IGSF11: variants seen among roughly 807,000 people sequenced by gnomAD.
IGSF11 encodes the protein immunoglobulin superfamily member 11, also known as CXADR like 1.
Under a neutral mutation model 41.0 loss-of-function variants are expected in IGSF11, and 22 were observed. That is an observed-to-expected ratio of 0.54 (90% CI 0.38 to 0.77). The LOEUF (loss-of-function observed/expected upper bound fraction) is 0.77, where lower values mean the gene tolerates loss of function less well. Among genes scored for constraint, IGSF11 ranks in the 30% least tolerant of loss-of-function variants. The probability of loss-of-function intolerance (pLI) is 0.00; values close to 1 mark genes in which losing one functional copy is unlikely to be tolerated. For missense variants in IGSF11, 444 were observed against 530.8 expected (o/e 0.84, Z 1.61); for synonymous variants, 219 against 201.3 (o/e 1.09, Z -0.74).
chr3:119,085,266 G>A (rs1167311626), intron 1 of IGSF11, among the ~76,000 whole-genome samples: 1 of 152,132 alleles, frequency 6.6e-6, no homozygotes, highest in African/African-American at 2.4e-5. Context: ...CTACTGGATT[G>A]TAGCCCAAAC....
At chr3:119,106,485 C>T (rs893476414), upstream of IGSF11, among the ~76,000 whole-genome samples, 3 of 152,154 alleles carry the variant, frequency 2.0e-5, no homozygotes, top group Admixed American at 6.6e-5. Context: ...GTTTACTTCA[C>T]CTGACATAAT....
At chr3:119,073,481 A>T (rs2076436986) in intron 1 of IGSF11, among the ~76,000 whole-genome samples, 1 of 152,170 alleles carries the variant, frequency 6.6e-6, no homozygotes, top group Non-Finnish European at 1.5e-5. Flanking sequence ...GGGGAGGCTC[A>T]GGCCGCATGG....
intron 1 of IGSF11, among the ~76,000 whole-genome samples, chr3:119,103,724 A>G (rs2076975411): frequency 6.6e-6 from 1 of 152,138 alleles, no homozygotes; most frequent in Non-Finnish European, 1.5e-5. Context: ...AAACTCAGAT[A>G]TGGCCTATTA....
At chr3:119,003,441 T>A (rs890326935) in intron 1 of IGSF11, among the ~76,000 whole-genome samples, 1 of 150,756 alleles carries the variant, frequency 6.6e-6, no homozygotes, top group Non-Finnish European at 1.5e-5. Context: ...TGACTTCCTC[T>A]TTTCCTAATT....
At chr3:119,010,719 A>T (rs1938019508) in intron 1 of IGSF11, among the ~76,000 whole-genome samples, 1 of 152,178 alleles carries the variant, frequency 6.6e-6, no homozygotes, top group South Asian at 2.1e-4. Context: ...CTCAACTTCC[A>T]ATGCTGTGTA....
intron 1 of IGSF11, among the ~76,000 whole-genome samples, chr3:118,939,002 C>G (rs1014066504): frequency 3.9e-5 from 6 of 152,184 alleles, no homozygotes; most frequent in Non-Finnish European, 7.4e-5. Flanking sequence ...GTGACTGCAA[C>G]ACGTCTCAAT....
intron 4 of IGSF11, among the ~76,000 whole-genome samples, chr3:118,925,207 GC>G (rs1420037141): frequency 6.6e-6 from 1 of 152,062 alleles, no homozygotes; most frequent in Non-Finnish European, 1.5e-5. Context: ...GGCTTGTGGC[GC>G]TGGCTCTTTA....
chr3:119,003,571 C>T (rs1380073792), intron 1 of IGSF11, among the ~76,000 whole-genome samples: 3 of 151,102 alleles, frequency 2.0e-5, no homozygotes, highest in Admixed American at 6.6e-5. Flanking sequence ...CCAGTTTTTG[C>T]CCATTCAGTA....
chr3:118,903,601 T>C (rs1939195520), intron 6 of IGSF11, among the ~76,000 whole-genome samples: 1 of 152,202 alleles, frequency 6.6e-6, no homozygotes. Context: ...TGGGGTAGAC[T>C]CTATCCCTGC....
intron 1 of IGSF11, among the ~76,000 whole-genome samples, chr3:119,062,208 G>A (rs1942076483): frequency 6.6e-6 from 1 of 152,170 alleles, no homozygotes; most frequent in African/African-American, 2.4e-5. Flanking sequence ...CCATCATGGG[G>A]AGGAAAGATC....
At chr3:118,933,221 G>A (rs1018613069) in intron 1 of IGSF11, among the ~76,000 whole-genome samples, 6 of 152,100 alleles carry the variant, frequency 3.9e-5, no homozygotes, top group Non-Finnish European at 7.3e-5. Context: ...TGTACAAATC[G>A]GGTTTAAAAT....
chr3:119,033,282 C>T lies in IGSF11; in HGVS notation c.52+1249G>A, dbSNP rs373531799. Among the ~76,000 whole-genome samples the T allele has an allele frequency of 7.9e-5, 12 of 152,150 alleles. No homozygotes were observed. The East Asian group carries it at 2.1e-3, about 27-fold the overall frequency. ...TGTGTCCAAGGATTGCATAAAAAGC[C>T]GATTTACTCTCTTATTTCACACTTA... On this transcript the variant is annotated intron_variant, in intron 1 of 6. Transcript: ENST00000393775.
intron 1 of IGSF11, among the ~76,000 whole-genome samples, chr3:119,110,492 G>A (rs966779935): frequency 8.5e-5 from 13 of 152,250 alleles, no homozygotes; most frequent in Admixed American, 3.3e-4. Flanking sequence ...GTCTCTGCAC[G>A]TGAGATGGCT....
intron 1 of IGSF11, among the ~76,000 whole-genome samples, chr3:118,950,271 C>G (rs1944477380): frequency 6.6e-6 from 1 of 152,170 alleles, no homozygotes; most frequent in African/African-American, 2.4e-5. Flanking sequence ...GGGATCTGAT[C>G]CGTTATATCA....
intron 1 of IGSF11, among the ~76,000 whole-genome samples, chr3:119,048,783 A>C (rs1417978202): frequency 2.0e-5 from 3 of 152,090 alleles, no homozygotes; most frequent in Admixed American, 2.0e-4. Context: ...GCAGCACATC[A>C]AAAAGCTTAT....
chr3:119,049,487 G>T (rs190901289), intron 1 of IGSF11, among the ~76,000 whole-genome samples: 1 of 152,110 alleles, frequency 6.6e-6, no homozygotes, highest in Non-Finnish European at 1.5e-5. Flanking sequence ...CGCTGTTCAA[G>T]GAAATAAAAG....
intron 1 of IGSF11, among the ~76,000 whole-genome samples, chr3:119,140,219 A>T (rs2107548636): frequency 6.6e-6 from 1 of 152,278 alleles, no homozygotes; most frequent in South Asian, 2.1e-4. Context: ...CTACGTATAT[A>T]CTGTCTACAA....
At chr3:119,000,459 T>C (rs1042503452) in intron 1 of IGSF11, among the ~76,000 whole-genome samples, 2 of 151,738 alleles carry the variant, frequency 1.3e-5, no homozygotes, top group Non-Finnish European at 2.9e-5. Flanking sequence ...GTCTATTCTA[T>C]CGTATTTAAT....
chr3:119,053,545 T>A (rs1033299830), intron 1 of IGSF11, among the ~76,000 whole-genome samples: 4 of 152,186 alleles, frequency 2.6e-5, no homozygotes, highest in African/African-American at 4.8e-5. Context: ...ACATATCCCA[T>A]GCTCATGGAT....
Sources: gnomAD v4.1 joint callset for allele counts (sites outside exome capture counted in the v4.1 genomes callset) on GRCh38, gnomAD v4.1.1 for gene constraint, MANE v1.5 for transcripts, NCBI Gene and HGNC (gene_info 2026-07-23, HGNC 2026-07-21) for gene names.